SPDL1: variants seen among roughly 807,000 people sequenced by gnomAD.
SPDL1 encodes protein Spindly.
Under a neutral mutation model 79.5 loss-of-function variants are expected in SPDL1, and 85 were observed. The observed-to-expected ratio is 1.07, with a 90% CI of 0.90 to 1.28. The LOEUF is 1.28. Among genes scored for constraint, SPDL1 ranks in the 50% most tolerant of loss-of-function variants. The probability of loss-of-function intolerance (pLI) is 0.00; values close to 1 mark genes in which losing one functional copy is unlikely to be tolerated. For synonymous variants in SPDL1, 269 were observed against 240.3 expected, an observed-to-expected ratio of 1.12 and a Z score of -1.10; for missense variants, 703 against 697.8, an observed-to-expected ratio of 1.01 and a Z score of -0.08.
intron 10 of SPDL1, among the ~76,000 whole-genome samples, chr5:169,600,157 A>G (rs1207870832): frequency 1.3e-5 from 2 of 152,144 alleles, no homozygotes; most frequent in South Asian, 2.1e-4. Context: ...GATTCTCAAC[A>G]AGTTTTTGTC....
chr5:169,599,845 G>A (rs948648841), intron 10 of SPDL1, among the ~76,000 whole-genome samples: 10 of 152,210 alleles, frequency 6.6e-5, no homozygotes, highest in African/African-American at 1.9e-4. Flanking sequence ...GGGAGGCAGA[G>A]GGAGGAGGAT....
chr5:169,593,602 T>G, intron 4 of SPDL1, 54 bp downstream of exon 4: 4 of 1,477,414 alleles, frequency 2.7e-6, no homozygotes, highest in Non-Finnish European at 3.6e-6. Context: ...TTCTGGCATA[T>G]TTTTACATGT....
chr5:169,584,549 A>C (rs553947918), intron 1 of SPDL1, among the ~76,000 whole-genome samples: 1 of 152,292 alleles, frequency 6.6e-6, no homozygotes, highest in African/African-American at 2.4e-5. Flanking sequence ...AAATTAAATA[A>C]CTTGTCCAAG....
At chr5:169,585,714 A>G (rs549201035) in intron 1 of SPDL1, among the ~76,000 whole-genome samples, 6 of 152,320 alleles carry the variant, frequency 3.9e-5, no homozygotes, top group Middle Eastern at 3.4e-3. Flanking sequence ...AGCTGGGATT[A>G]CCTAGAACAC....
At chr5:169,585,366 C>T (rs921470436) in intron 1 of SPDL1, among the ~76,000 whole-genome samples, 1 of 152,122 alleles carries the variant, frequency 6.6e-6, no homozygotes, top group African/African-American at 2.4e-5. Flanking sequence ...TTTAGGTTGC[C>T]ATTGTGTTGT....
Position 169,598,968 on chromosome 5 carries a change from A to G in SPDL1, c.1137-4A>G. On this transcript the variant is annotated splice_polypyrimidine_tract_variant and splice_region_variant and intron_variant, in intron 9 of 11. Transcript: ENST00000265295. ...TCGTTGGTTCTCCTTTTTTATTATC[A>G]TAGCAAAGAAATTGAAAGCACTAAA... The G allele has an allele frequency of 1.4e-5, 22 of 1,525,804 alleles. No homozygotes were observed. The highest frequency in any genetic ancestry group is 1.7e-5 in the Non-Finnish European group (19 of 1,135,038). 94.5% of individuals were successfully genotyped at this position (1,525,804 alleles called of 1,614,324 possible).
At chr5:169,593,275 G>A (rs924149585) in intron 3 of SPDL1, 79 bp from the exon 4 acceptor site, 1 of 1,260,738 alleles carries the variant, frequency 7.9e-7, no homozygotes, top group African/African-American at 1.5e-5. Flanking sequence ...CAGTAAGTTT[G>A]GTTCAATCAG....
At chr5:169,590,998 G>A (rs780644038) in intron 2 of SPDL1, 50 bp from the exon 3 acceptor site, 3 of 1,461,246 alleles carry the variant, frequency 2.1e-6, no homozygotes, top group Admixed American at 1.8e-5. Flanking sequence ...TGTATGTAAT[G>A]GCTTTAGGCT....
chr5:169,601,043 C>A (rs1358969261), intron 10 of SPDL1, among the ~76,000 whole-genome samples: 2 of 152,006 alleles, frequency 1.3e-5, no homozygotes, highest in Non-Finnish European at 2.9e-5. Context: ...TGCCTAAAGT[C>A]AAAATATTGA....
intron 1 of SPDL1, among the ~76,000 whole-genome samples, chr5:169,585,626 A>G (rs1468956528): frequency 6.6e-6 from 1 of 152,246 alleles, no homozygotes; most frequent in African/African-American, 2.4e-5. Context: ...GTTATTGTGA[A>G]CAGTACAACA....
At chr5:169,601,215 T>G in intron 10 of SPDL1, 65 bp from the exon 11 acceptor site, 2 of 1,445,056 alleles carry the variant, frequency 1.4e-6, no homozygotes, top group South Asian at 2.7e-5. Flanking sequence ...AGTTCTGGCT[T>G]CTTGTGTTGA....
intron 3 of SPDL1, among the ~76,000 whole-genome samples, chr5:169,592,999 A>G (rs1168438033): frequency 1.3e-5 from 2 of 151,978 alleles, no homozygotes; most frequent in Non-Finnish European, 2.9e-5. Context: ...TGCCACTCCA[A>G]TCCAGACCTT....
chr5:169,590,969 A>G (rs1755244671), intron 2 of SPDL1, 79 bp from the exon 3 acceptor site: 6 of 1,184,336 alleles, frequency 5.1e-6, no homozygotes, highest in Non-Finnish European at 7.4e-6. Context: ...GAATGAAACA[A>G]TTGAAGTTGA....
intron 2 of SPDL1, 147 bp from the exon 3 acceptor site, chr5:169,590,901 A>G: frequency 1.3e-6 from 1 of 760,648 alleles, no homozygotes; most frequent in South Asian, 1.5e-5. Context: ...TTAACTACAA[A>G]GTTATTCCAG....
rs776280547 is a variant in SPDL1 at position 169,601,261 on chromosome 5, C to T, written c.1325-19C>T. 5 of 1,571,640 alleles carry T rather than the reference C, an allele frequency of 3.2e-6. No individual in the cohort carries two copies. The highest frequency in any genetic ancestry group is 4.3e-6 in the Non-Finnish European group (5 of 1,161,360). On this transcript the variant is annotated intron_variant, in intron 10 of 11. Transcript: ENST00000265295. ...GTTTTCTTAGATTTTTTCTTTTCCC[C>T]ACTCGTTTTTATTCTCAGAGACAGT...
intron 11 of SPDL1, chr5:169,601,875 T>C: frequency 1.8e-6 from 1 of 556,786 alleles, no homozygotes. Context: ...TGAAAGGGAA[T>C]ATCACAGTTT....
chr5:169,588,426 G>A lies in SPDL1; in HGVS notation c.10G>A (p.Asp4Asn). Reference sequence around the variant, plus strand: ...AAAAAAAGAAAAGAACATGGAGGCAGATATAATCACAAATCTTCGATGCAG... The same window carrying A: ...AAAAAAAGAAAAGAACATGGAGGCAAATATAATCACAAATCTTCGATGCAG... MEA[D>N]IITNLRCRLK... Residue 4 changes from aspartate (D) to asparagine (N), a missense_variant, in exon 2 of 12, where the codon GAT becomes AAT. By Grantham distance (23) the Asp-to-Asn change is conservative. Coordinates refer to ENST00000265295, the MANE Select transcript of SPDL1 (RefSeq NM_017785.5). 1 of 1,609,284 alleles carries A rather than the reference G, an allele frequency of 6.2e-7. No homozygotes were observed. The highest frequency in any genetic ancestry group is 8.5e-7 in the Non-Finnish European group (1 of 1,178,486).
At chr5:169,588,287 G>A (rs761755317) in intron 1 of SPDL1, 107 bp from the exon 2 acceptor site, 4 of 724,874 alleles carry the variant, frequency 5.5e-6, no homozygotes, top group Non-Finnish European at 8.4e-6. Flanking sequence ...AAATTTTAAT[G>A]TTTTTATACG....
At chr5:169,584,269 A>G (rs945806682) in intron 1 of SPDL1, 1 of 143,882 alleles carries the variant, frequency 7.0e-6, no homozygotes, top group Admixed American at 6.7e-5. Context: ...AATAATTTTT[A>G]TAATGATTAC....
Sources: gnomAD v4.1 joint callset for allele counts (sites outside exome capture counted in the v4.1 genomes callset) on GRCh38, gnomAD v4.1.1 for gene constraint, MANE v1.5 for transcripts, NCBI Gene and HGNC (gene_info 2026-07-23, HGNC 2026-07-21) for gene names.